Variants in L3MBTL3 observed in about 807,000 individuals in gnomAD.
L3MBTL3 encodes L3MBTL histone methyl-lysine binding protein 3.
In L3MBTL3, 27 loss-of-function variants were observed where a neutral mutation model predicts 102.3. That is an observed-to-expected ratio of 0.26 (90% CI 0.19 to 0.36). The LOEUF (loss-of-function observed/expected upper bound fraction) is 0.36, where lower values mean the gene tolerates loss of function less well. Ranked by LOEUF, L3MBTL3 falls within the 10% of genes least tolerant of loss-of-function variation. L3MBTL3 has a pLI of 1.00. For missense variants in L3MBTL3, 798 were observed against 955.3 expected (o/e 0.84, Z 2.17); for synonymous variants, 340 against 320.9 (o/e 1.06, Z -0.64).
chr6:130,054,781 C>A (rs1781351917), intron 7 of L3MBTL3, among the ~76,000 whole-genome samples: 1 of 152,066 alleles, frequency 6.6e-6, no homozygotes, highest in Non-Finnish European at 1.5e-5. Flanking sequence ...TGTAAGATGA[C>A]CTTGAAAACC....
chr6:130,090,852 G>T (rs571776683), intron 16 of L3MBTL3, among the ~76,000 whole-genome samples: 1 of 152,050 alleles, frequency 6.6e-6, no homozygotes, highest in Non-Finnish European at 1.5e-5. Flanking sequence ...CTCCCAAAGT[G>T]CTGGGATTAC....
chr6:130,019,858 G>C lies in L3MBTL3; in HGVS notation c.-95+1194G>C, dbSNP rs1212809288. Among the ~76,000 whole-genome samples, 8 of 140,030 alleles carry C rather than the reference G, an allele frequency of 5.7e-5. 1 individual carries two copies. The highest frequency in any genetic ancestry group is 1.4e-4 in the Admixed American group (2 of 14,330). The allele number at this position is 140,030 out of a possible 152,430, so 91.9% of individuals were successfully genotyped here. A position where few individuals can be genotyped will look rare whatever the true frequency, so the allele number is the denominator to read the frequency against. On this transcript the variant is annotated intron_variant, in intron 1 of 22. Coordinates refer to ENST00000361794, the MANE Select transcript of L3MBTL3 (RefSeq NM_032438.4). ...GCGCGGGCCCGCGGCGGCCGTCCGCGCGGGAGAGGGCGCGGGCCGCGGGCC... is the reference window on the plus strand; with the variant it reads ...GCGCGGGCCCGCGGCGGCCGTCCGCCCGGGAGAGGGCGCGGGCCGCGGGCC...
intron 2 of L3MBTL3, among the ~76,000 whole-genome samples, chr6:130,032,439 A>C (rs1001343738): frequency 6.6e-6 from 1 of 151,922 alleles, no homozygotes; most frequent in Admixed American, 6.5e-5. Context: ...ACAGAGTGAG[A>C]TCCTGTCTCT....
chr6:130,128,778 A>T (rs561605553), intron 20 of L3MBTL3, among the ~76,000 whole-genome samples: 1 of 152,310 alleles, frequency 6.6e-6, no homozygotes, highest in East Asian at 1.9e-4. Context: ...GGTGAGAGAA[A>T]AGACTTTTGC....
rs552401659 is a variant in L3MBTL3, at chr6:130,049,551, C to CATTT, written c.214+161_214+164dup. 4.7e-4 allele frequency: 335 copies of CATTT among 711,974 alleles called. 1 individual carries two copies. The African/African-American group carries it at 4.9e-3, about 11-fold the overall frequency. 44.1% of individuals were successfully genotyped at this position (711,974 alleles called of 1,614,324 possible). A position where few individuals can be genotyped will look rare whatever the true frequency, so the allele number is the denominator to read the frequency against. On this transcript the variant is annotated intron_variant, in intron 4 of 22. Coordinates refer to ENST00000361794, the MANE Select transcript of L3MBTL3 (RefSeq NM_032438.4). ...CTATAATGAAACTGATAGGAGCCAG[C>CATTT]ATTTATGTTTTAAAATAACTATAAA...
chr6:130,141,359 T>G lies in L3MBTL3; in HGVS notation c.*1606T>G, dbSNP rs1788261675. ...TAAGTTTTTTGTTGCTGTTTTTTCT[T>G]TTTTATGTTTTGTTCAGAATTTGTA... On this transcript the variant is annotated 3_prime_UTR_variant, in exon 23 of 23. Coordinates refer to ENST00000361794, the MANE Select transcript of L3MBTL3 (RefSeq NM_032438.4). The G allele has an allele frequency of 6.6e-6, 1 of 152,244 alleles. No homozygotes were observed. Among genetic ancestry groups the G allele is most frequent in the African/African-American group, 2.4e-5 (1 of 41,456 alleles). 9.4% of individuals were successfully genotyped at this position (152,244 alleles called of 1,614,324 possible). A position where few individuals can be genotyped will look rare whatever the true frequency, so the allele number is the denominator to read the frequency against.
intron 1 of L3MBTL3, among the ~76,000 whole-genome samples, chr6:130,019,669 CGA>C (rs1778816712): frequency 6.6e-6 from 1 of 150,918 alleles, no homozygotes; most frequent in Non-Finnish European, 1.5e-5. Context: ...GCTCGGCGGC[CGA>C]GAGTTTGCGT....
At chr6:130,104,628 AT>A (rs1160657259) in intron 19 of L3MBTL3, 53 bp downstream of exon 19, 28 of 1,289,874 alleles carry the variant, frequency 2.2e-5, no homozygotes, top group Non-Finnish European at 2.8e-5. Context: ...ATTTAAAGAG[AT>A]TTTTTATCTT....
At chr6:130,117,781 C>A (rs1299465298) in intron 19 of L3MBTL3, among the ~76,000 whole-genome samples, 1 of 151,200 alleles carries the variant, frequency 6.6e-6, no homozygotes, top group East Asian at 1.9e-4. Flanking sequence ...CTCACCGCAG[C>A]TTTGTCCTCC....
intron 16 of L3MBTL3, among the ~76,000 whole-genome samples, chr6:130,091,477 G>A (rs1298716908): frequency 1.3e-5 from 2 of 151,896 alleles, no homozygotes; most frequent in Non-Finnish European, 2.9e-5. Context: ...AAAAAAACAT[G>A]GTCGATTCCT....
At chr6:130,063,864 C>T (rs1438814311) in intron 10 of L3MBTL3, among the ~76,000 whole-genome samples, 11 of 152,202 alleles carry the variant, frequency 7.2e-5, no homozygotes, top group Admixed American at 3.3e-4. Flanking sequence ...ACAAAAGACA[C>T]TTATTCCCAG....
At chr6:130,083,558 A>G (rs1783497326) in intron 14 of L3MBTL3, 62 bp from the exon 15 acceptor site, 3 of 682,566 alleles carry the variant, frequency 4.4e-6, no homozygotes, top group African/African-American at 1.9e-5. Flanking sequence ...TTTGTTGGAC[A>G]GTTTGTTATT....
intron 10 of L3MBTL3, among the ~76,000 whole-genome samples, chr6:130,063,261 CCTT>C (rs1179582340): frequency 1.3e-5 from 2 of 151,992 alleles, no homozygotes; most frequent in Non-Finnish European, 2.9e-5. Flanking sequence ...ATTTGGGAAA[CCTT>C]CTTTGGGTTA....
chr6:130,054,940 GCGGTGTCCATGCCCTTCCAAC>G, intron 7 of L3MBTL3: 1 of 464,608 alleles, frequency 2.2e-6, no homozygotes, highest in Non-Finnish European at 3.9e-6. Context: ...GGAGCGGGGA[GCGGTGTCCATGCCCTTCCAAC>G]CGGTAACACG....
At chr6:130,054,399 A>G (rs9398937) in intron 7 of L3MBTL3, among the ~76,000 whole-genome samples, 71,684 of 152,030 alleles carry the variant, frequency 0.47, 19,567 homozygotes, top group East Asian at 0.76. Flanking sequence ...TATGTTTTAA[A>G]TGACCACTGT....
intron 14 of L3MBTL3, among the ~76,000 whole-genome samples, chr6:130,080,962 G>A (rs12202273): frequency 6.6e-6 from 1 of 152,166 alleles, no homozygotes; most frequent in African/African-American, 2.4e-5. Context: ...TGATCTGTCT[G>A]AAAAGAAGGA....
Position 130,085,980 on chromosome 6 carries a change from T to C in L3MBTL3, c.1408-160T>C, listed in dbSNP as rs573854061. Among the ~76,000 whole-genome samples, 4 of 150,846 alleles carry C rather than the reference T, an allele frequency of 2.7e-5. No homozygotes were observed. The East Asian group carries it at 7.7e-4, about 29-fold the overall frequency. The stretch of plus-strand genomic sequence containing the variant: ...GTTGGCCAGGCTGGTCTCAAACTCC[T>C]GGCCTCAAGTGATCCGCCCGCCTCA... On this transcript the variant is annotated intron_variant, in intron 15 of 22. Transcript: ENST00000361794.
Position 130,135,262 on chromosome 6 carries a change from C to T in L3MBTL3, c.2199+1357C>T, listed in dbSNP as rs367823871. On this transcript the variant is annotated intron_variant, in intron 22 of 22. Coordinates refer to ENST00000361794, the MANE Select transcript of L3MBTL3 (RefSeq NM_032438.4). ...TATTTTTAGTAGAGACTTGGTTTCACCGTGTTGGCCAGGCTGGTCTCGAAC... is the reference window on the plus strand; with the variant it reads ...TATTTTTAGTAGAGACTTGGTTTCATCGTGTTGGCCAGGCTGGTCTCGAAC... 2.6e-5 allele frequency among the ~76,000 whole-genome samples: 4 copies of T among 151,912 alleles called. No individual in the cohort carries two copies. In the East Asian group the frequency reaches 5.8e-4, roughly 22 times the overall value.
At chr6:130,042,461 TTAAC>T (rs1056564514) in intron 2 of L3MBTL3, among the ~76,000 whole-genome samples, 2 of 47,830 alleles carry the variant, frequency 4.2e-5, no homozygotes, top group African/African-American at 7.1e-5. Flanking sequence ...ATAACACTTT[TTAAC>T]TAAGACATTT....
Sources: gnomAD v4.1 joint callset for allele counts (sites outside exome capture counted in the v4.1 genomes callset) on GRCh38, gnomAD v4.1.1 for gene constraint, MANE v1.5 for transcripts, NCBI Gene and HGNC (gene_info 2026-07-23, HGNC 2026-07-21) for gene names.